KARS1: variants seen among roughly 807,000 people sequenced by gnomAD.
The protein encoded by KARS1 is lysyl-tRNA synthetase 1.
KARS1 carries 50 observed loss-of-function variants against 63.9 expected under a neutral mutation model. The observed-to-expected ratio is 0.78, with a 90% confidence interval of 0.62 to 0.99. KARS1 has a LOEUF of 0.99. KARS1 is among the 50% of genes least tolerant of loss of function. KARS1 has a pLI of 0.00. For synonymous variants in KARS1, 320 were observed against 264.6 expected, an observed-to-expected ratio of 1.21 and a Z score of -2.03; for missense variants, 816 against 754.5, an observed-to-expected ratio of 1.08 and a Z score of -0.95.
At chr16:75,634,350 C>T in intron 6 of KARS1, 58 bp from the exon 7 acceptor site, 1 of 1,580,938 alleles carries the variant, frequency 6.3e-7, no homozygotes, top group Non-Finnish European at 8.7e-7. Flanking sequence ...TGGGGACAGA[C>T]CATGCTTTGC....
At position 75,636,328 on chromosome 16, in the gene KARS1, A is replaced by C. The variant is rs2082161367; in HGVS notation, c.482+126T>G. 7 of 814,920 alleles carry C rather than the reference A, an allele frequency of 8.6e-6. No individual in the cohort carries two copies. In the South Asian group the frequency reaches 9.5e-5, roughly 11 times the overall value. 50.5% of individuals were successfully genotyped at this position (814,920 alleles called of 1,614,324 possible). ...CAGGTGGCCACATTATCCTCTTCTC[A>C]GCCTTCCCCAACCATGTCCCACTCC... On this transcript the variant is annotated intron_variant, in intron 4 of 13. Coordinates refer to ENST00000302445, the MANE Select transcript of KARS1 (RefSeq NM_005548.3).
intron 3 of KARS1, 51 bp downstream of exon 3, chr16:75,640,133 G>A (rs752972327): frequency 2.3e-5 from 35 of 1,529,886 alleles, no homozygotes; most frequent in Middle Eastern, 1.8e-4. Context: ...TACTGAAGCC[G>A]CAGGCCTACC....
rs369114426 is a variant in KARS1 at position 75,640,333 on chromosome 16, C to T, written c.239G>A (p.Arg80His). The T allele has an allele frequency of 2.5e-6, 4 of 1,584,776 alleles. No individual in the cohort carries two copies. The highest frequency in any genetic ancestry group is 1.1e-5 in the South Asian group (1 of 90,094). Residue 80 changes from arginine to histidine, a missense_variant, in exon 3 of 14, where the codon CGC (arginine) becomes CAC (histidine). Physicochemically the swap from Arg to His is conservative, Grantham distance 29 (BLOSUM62 0). Transcript: ENST00000302445. ...CTTCAGCTGATGAATTGCTTGACTG[C>T]GGATTTTGTAGTATTGCTGTTAAAA... ...SVDPNQYYKIRSQAIHQLKVN... is the reference protein window; with the variant it reads ...SVDPNQYYKIHSQAIHQLKVN...
chr16:75,630,607 A>C, intron 10 of KARS1, 99 bp from the exon 11 acceptor site: 1 of 637,172 alleles, frequency 1.6e-6, no homozygotes, highest in South Asian at 1.8e-5. Context: ...AGATGGGTTT[A>C]TCCTATAGCT....
chr16:75,630,452 G>A lies in KARS1; in HGVS notation c.1395C>T (p.His465=). 1.2e-6 allele frequency: 2 copies of A among 1,609,620 alleles called. No individual in the cohort carries two copies. The stretch of plus-strand genomic sequence containing the variant: ...TAGCCAAAGGGCTCATTATCTGTGG[G>A]TGATCACAGATGAATGTAGGATTGA... ...TCINPTFICD[H]PQIMSPLAKW... The change falls in exon 11 of 14, where the codon CAC becomes CAT. Residue 465 remains histidine (H), a synonymous_variant. Coordinates refer to ENST00000302445, the MANE Select transcript of KARS1 (RefSeq NM_005548.3).
At chr16:75,642,953 T>C (rs570580520) in intron 1 of KARS1, 100 of 152,336 alleles carry the variant, frequency 6.6e-4, no homozygotes, top group African/African-American at 2.2e-3. Flanking sequence ...ATGTGAGCTT[T>C]CTAGGTATCT....
intron 2 of KARS1, 100 bp from the exon 3 acceptor site, chr16:75,640,449 C>T (rs2082211959): frequency 1.8e-6 from 2 of 1,086,676 alleles, no homozygotes; most frequent in African/African-American, 1.6e-5. Flanking sequence ...CGAGTGACCC[C>T]AATACATTGT....
intron 3 of KARS1, among the ~76,000 whole-genome samples, chr16:75,638,564 C>G (rs1202869728): frequency 6.6e-6 from 1 of 151,780 alleles, no homozygotes; most frequent in Admixed American, 6.6e-5. Context: ...TGAAAGAACA[C>G]AAATTAGAAC....
Position 75,638,285 on chromosome 16 carries a change from G to C in KARS1, c.389-1738C>G, listed in dbSNP as rs564392355. 4.4e-4 allele frequency among the ~76,000 whole-genome samples: 67 copies of C among 151,710 alleles called. 1 individual carries two copies. The highest frequency in any genetic ancestry group is 1.5e-3 in the African/African-American group (61 of 41,346). ...CAGAACACGCAGATTTGTCATATAG[G>C]TATACATGTGCCATGGTGGTTTGCT... On this transcript the variant is annotated intron_variant, in intron 3 of 13. Coordinates refer to ENST00000302445, the MANE Select transcript of KARS1 (RefSeq NM_005548.3).
intron 1 of KARS1, chr16:75,647,318 G>A (rs2151814889): frequency 1.7e-6 from 1 of 591,172 alleles, no homozygotes; most frequent in African/African-American, 1.9e-5. Context: ...TCTCGTCCTA[G>A]TTCCTCCTCC....
chr16:75,644,231 TA>T, intron 1 of KARS1: 1 of 1,513,298 alleles, frequency 6.6e-7, no homozygotes, highest in Non-Finnish European at 9.0e-7. Context: ...ATGAACCAAG[TA>T]AGGAAATAAT....
intron 1 of KARS1, among the ~76,000 whole-genome samples, chr16:75,645,486 A>G (rs2082270397): frequency 6.6e-6 from 1 of 152,246 alleles, no homozygotes; most frequent in South Asian, 2.1e-4. Context: ...GAAAGCTTGT[A>G]GAGATCTAGC....
intron 1 of KARS1, among the ~76,000 whole-genome samples, chr16:75,646,817 C>T (rs1172309853): frequency 6.6e-6 from 1 of 152,022 alleles, no homozygotes; most frequent in African/African-American, 2.4e-5. Context: ...TAAGCCCTCT[C>T]GTATGCCTCT....
intron 2 of KARS1, 29 bp downstream of exon 2, chr16:75,641,535 C>T (rs1459590921): frequency 1.2e-6 from 2 of 1,604,824 alleles, no homozygotes; most frequent in Non-Finnish European, 1.7e-6. Context: ...TTCCTGTGCC[C>T]AACCATGCTG....
At chr16:75,643,409 G>C (rs942639251) in intron 1 of KARS1, among the ~76,000 whole-genome samples, 3 of 146,348 alleles carry the variant, frequency 2.0e-5, no homozygotes, top group Non-Finnish European at 4.5e-5. Context: ...ACAGAGTCTC[G>C]CTGTGTTGCC....
rs549200635 is a variant in KARS1, at chr16:75,631,678, G to C, written c.1078+15C>G. The C allele has an allele frequency of 2.5e-6, 4 of 1,614,174 alleles. No homozygotes were observed. In the East Asian group the frequency reaches 6.7e-5, roughly 27 times the overall value. On this transcript the variant is annotated intron_variant, in intron 8 of 13. Coordinates refer to ENST00000302445, the MANE Select transcript of KARS1 (RefSeq NM_005548.3). ...TACCAACCACCCGATGAGTATGAGA[G>C]AGAGCAGGAGTCACCTGAAACCATC...
At chr16:75,629,117 C>T (rs992887345) in intron 12 of KARS1, 17 of 474,238 alleles carry the variant, frequency 3.6e-5, no homozygotes, top group East Asian at 2.6e-4. Flanking sequence ...TACCTCCCAG[C>T]CCTAAGCCAC....
rs186429751 is a variant in KARS1 at position 75,636,696 on chromosome 16, C to T, written c.389-149G>A. 1.9e-4 allele frequency: 106 copies of T among 566,394 alleles called. 1 individual carries two copies. Among genetic ancestry groups the T allele is most frequent in the Non-Finnish European group, 3.0e-4 (95 of 314,930 alleles). 35.1% of individuals were successfully genotyped at this position (566,394 alleles called of 1,614,324 possible). A position where few individuals can be genotyped will look rare whatever the true frequency, so the allele number is the denominator to read the frequency against. ...TTGCCCAGGCTGGAGTGCAGTGGCA[C>T]GATCTCAGCTCAATGCAACCTCCGC... On this transcript the variant is annotated intron_variant, in intron 3 of 13. Coordinates refer to ENST00000302445, the MANE Select transcript of KARS1 (RefSeq NM_005548.3).
chr16:75,633,957 G>A, intron 7 of KARS1: 1 of 575,146 alleles, frequency 1.7e-6, no homozygotes. Flanking sequence ...GTATACATGG[G>A]AAAGACAACC....
Sources: gnomAD v4.1 joint callset for allele counts (sites outside exome capture counted in the v4.1 genomes callset) on GRCh38, gnomAD v4.1.1 for gene constraint, MANE v1.5 for transcripts, NCBI Gene and HGNC (gene_info 2026-07-23, HGNC 2026-07-21) for gene names.